Variants in U2SURP observed in about 807,000 individuals in gnomAD.
U2SURP encodes the protein U2 snRNP-associated SURP motif-containing protein.
In U2SURP, 9 loss-of-function variants were observed where a neutral mutation model predicts 144.9. That is an observed-to-expected ratio of 0.06 (90% confidence interval 0.04 to 0.11). The LOEUF is 0.11. Ranked by LOEUF, U2SURP falls within the 10% of genes least tolerant of loss-of-function variation. The pLI is 1.00. For missense variants in U2SURP, 724 were observed against 1,226.7 expected (o/e 0.59, Z 6.12); for synonymous variants, 408 against 396.8 (o/e 1.03, Z -0.33).
intron 24 of U2SURP, among the ~76,000 whole-genome samples, chr3:143,045,347 C>T (rs987745348): frequency 1.6e-4 from 20 of 124,228 alleles, no homozygotes; most frequent in African/African-American, 3.3e-4. Flanking sequence ...GCAGCCTGGG[C>T]GACAGAGTGA....
chr3:143,031,206 T>C (rs190669779), intron 16 of U2SURP, among the ~76,000 whole-genome samples: 11 of 152,286 alleles, frequency 7.2e-5, no homozygotes, highest in Admixed American at 7.2e-4. Context: ...ATTGTTGAAA[T>C]GAAAGGATCT....
Position 143,032,864 on chromosome 3 carries a change from TTAA to T in U2SURP, c.1696_1698del (p.Asn566del). 6.2e-7 allele frequency: 1 copy of T among 1,613,768 alleles called. No individual in the cohort carries two copies. Among genetic ancestry groups the T allele is most frequent in the Non-Finnish European group, 8.5e-7 (1 of 1,179,760 alleles). ...ATTGGAGATGCAATGGTTTTCTGTC[TTAA>T]TAATGCTGAAGCTGCTGAAGAAATA... On this transcript the variant is annotated inframe_deletion, in exon 17 of 28. Transcript: ENST00000473835.
At chr3:143,032,705 A>G in intron 16 of U2SURP, 79 bp from the exon 17 acceptor site, 1 of 1,305,002 alleles carries the variant, frequency 7.7e-7, no homozygotes, top group Non-Finnish European at 1.1e-6. Context: ...GTTTTAAAGA[A>G]ATTAGTTTGT....
At chr3:143,002,025 A>G (rs1354338248) in intron 1 of U2SURP, among the ~76,000 whole-genome samples, 6 of 152,184 alleles carry the variant, frequency 3.9e-5, no homozygotes, top group East Asian at 1.9e-4. Flanking sequence ...AGCGCCTGGG[A>G]GAGAGGCGGG....
At chr3:143,039,563 C>A in intron 23 of U2SURP, among the ~76,000 whole-genome samples, 1 of 143,244 alleles carries the variant, frequency 7.0e-6, no homozygotes, top group South Asian at 2.2e-4. Flanking sequence ...TTAGGAAGTT[C>A]TTGACACTTT....
chr3:143,012,430 G>T, intron 3 of U2SURP, 77 bp downstream of exon 3: 1 of 1,360,620 alleles, frequency 7.3e-7, no homozygotes. Context: ...GAATTTAGTG[G>T]TCGAATATTT....
At chr3:143,012,529 C>G (rs1248570617) in intron 3 of U2SURP, among the ~76,000 whole-genome samples, 176 bp downstream of exon 3, 2 of 152,088 alleles carry the variant, frequency 1.3e-5, no homozygotes, top group Non-Finnish European at 2.9e-5. Flanking sequence ...GTAGGGACAT[C>G]TTTTTAGCTC....
intron 24 of U2SURP, 40 bp from the exon 25 acceptor site, chr3:143,050,899 A>G: frequency 1.5e-6 from 2 of 1,357,996 alleles, no homozygotes; most frequent in Non-Finnish European, 2.1e-6. Context: ...AGAATCTAGA[A>G]TGATGAAAAT....
chr3:143,049,635 A>G (rs1934743681), intron 24 of U2SURP, among the ~76,000 whole-genome samples: 1 of 152,194 alleles, frequency 6.6e-6, no homozygotes, highest in Non-Finnish European at 1.5e-5. Context: ...GTAGAATTCA[A>G]GAAGAAGGTA....
chr3:143,003,677 C>CTTTTTTTTTTTTTTTTTTTTTTT (rs60505715), intron 1 of U2SURP, among the ~76,000 whole-genome samples: 6 of 101,506 alleles, frequency 5.9e-5, no homozygotes, highest in Admixed American at 1.3e-4. Flanking sequence ...TATTTTATTT[C>CTTTTTTTTTTTTTTTTTTTTTTT]TTTTTTTTTT....
At chr3:143,037,007 T>C (rs184366739) in intron 20 of U2SURP, 172 bp from the exon 21 acceptor site, 2 of 632,462 alleles carry the variant, frequency 3.2e-6, no homozygotes, top group East Asian at 5.7e-5. Context: ...ATTAGATAAA[T>C]GCACAACTGA....
At chr3:143,031,444 C>T (rs373464926) in intron 16 of U2SURP, among the ~76,000 whole-genome samples, 1 of 114,284 alleles carries the variant, frequency 8.8e-6, no homozygotes, top group Non-Finnish European at 2.2e-5. Flanking sequence ...CAGCTACCAC[C>T]ACCCTAACCT....
chr3:143,029,947 C>T (rs1933383105), intron 16 of U2SURP, among the ~76,000 whole-genome samples: 1 of 152,186 alleles, frequency 6.6e-6, no homozygotes, highest in South Asian at 2.1e-4. Flanking sequence ...GAGCAAGGCC[C>T]ACTCTCTTCA....
At chr3:143,050,624 G>T (rs1365692913) in intron 24 of U2SURP, among the ~76,000 whole-genome samples, 1 of 152,140 alleles carries the variant, frequency 6.6e-6, no homozygotes, top group Non-Finnish European at 1.5e-5. Flanking sequence ...CAGTGTGCGT[G>T]TCTTTAGCAA....
In U2SURP at chr3:143,053,747, C is replaced by A; in HGVS notation, c.2727C>A (p.Ser909=). Reference sequence around the variant, plus strand: ...ATAAAGAAAAATTGGAATCTCGCTCCAAAGACAAGAAGGAAAAAGATGAGT... The same window carrying A: ...ATAAAGAAAAATTGGAATCTCGCTCAAAAGACAAGAAGGAAAAAGATGAGT... ...KKDKEKLESR[S]KDKKEKDECT... Residue 909 remains serine, a synonymous_variant, in exon 26 of 28, where the codon TCC becomes TCA. Transcript: ENST00000473835. 1 of 1,608,406 alleles carries A rather than the reference C, an allele frequency of 6.2e-7. No individual in the cohort carries two copies. The highest frequency in any genetic ancestry group is 8.5e-7 in the Non-Finnish European group (1 of 1,177,376).
chr3:143,029,835 T>TG (rs1933376606), intron 16 of U2SURP, among the ~76,000 whole-genome samples: 1 of 152,156 alleles, frequency 6.6e-6, no homozygotes, highest in Non-Finnish European at 1.5e-5. Context: ...AACACATGAA[T>TG]GATGAGGAAG....
At chr3:143,028,441 C>G (rs1933280418) in intron 15 of U2SURP, 35 bp downstream of exon 15, 1 of 1,609,378 alleles carries the variant, frequency 6.2e-7, no homozygotes, top group African/African-American at 1.3e-5. Flanking sequence ...AATTTTGACT[C>G]TGAGTAATTA....
At chr3:143,012,511 T>C in intron 3 of U2SURP, 158 bp downstream of exon 3, 1 of 600,118 alleles carries the variant, frequency 1.7e-6, no homozygotes, top group Non-Finnish European at 2.5e-6. Context: ...AACAGTAAAC[T>C]CATTTATGTA....
intron 24 of U2SURP, among the ~76,000 whole-genome samples, chr3:143,050,527 A>G (rs1934801886): frequency 6.6e-6 from 1 of 152,176 alleles, no homozygotes; most frequent in Non-Finnish European, 1.5e-5. Context: ...CATGAGCTGA[A>G]CCAGAATGCC....
Sources: allele counts gnomAD v4.1 joint callset (sites outside exome capture counted in the v4.1 genomes callset), GRCh38; gene constraint gnomAD v4.1.1; transcripts MANE v1.5; gene names NCBI Gene and HGNC (gene_info 2026-07-23, HGNC 2026-07-21).